Variants in TLE4 observed in about 807,000 individuals in gnomAD.
TLE4 encodes TLE family member 4, transcriptional corepressor, also known as transducin-like enhancer protein 4.
In TLE4, 8 loss-of-function variants were observed where a neutral mutation model predicts 92.8. The observed-to-expected ratio is 0.09, with a 90% CI of 0.05 to 0.16. The LOEUF (loss-of-function observed/expected upper bound fraction) is 0.16. Ranked by LOEUF, TLE4 falls within the 10% of genes least tolerant of loss-of-function variation. TLE4 has a pLI of 1.00. For synonymous variants in TLE4, 371 were observed against 374.1 expected (o/e 0.99, Z 0.10); for missense variants, 675 against 997.6 (o/e 0.68, Z 4.36).
intron 5 of TLE4, among the ~76,000 whole-genome samples, chr9:79,623,450 C>T (rs922499158): frequency 3.9e-5 from 6 of 152,036 alleles, no homozygotes; most frequent in Admixed American, 6.5e-5. Context: ...TATATTAGTA[C>T]TTTGTCTGAA....
At chr9:79,674,416 C>T (rs1279504190) in intron 8 of TLE4, among the ~76,000 whole-genome samples, 1 of 152,132 alleles carries the variant, frequency 6.6e-6, no homozygotes, top group Non-Finnish European at 1.5e-5. Flanking sequence ...AGCCCATGCT[C>T]ATTATCTCTA....
At chr9:79,720,384 G>A in intron 16 of TLE4, 91 bp downstream of exon 16, 1 of 365,212 alleles carries the variant, frequency 2.7e-6, no homozygotes, top group Non-Finnish European at 3.8e-6. Context: ...ATGGGTGTGT[G>A]TGTGTGTGTG....
intron 5 of TLE4, among the ~76,000 whole-genome samples, chr9:79,613,887 A>C (rs2048921654): frequency 6.6e-6 from 1 of 152,130 alleles, no homozygotes; most frequent in Non-Finnish European, 1.5e-5. Context: ...ACTCATATTC[A>C]CAAATCTTGT....
intron 8 of TLE4, among the ~76,000 whole-genome samples, chr9:79,697,970 A>G (rs1359948847): frequency 6.6e-6 from 1 of 152,186 alleles, no homozygotes; most frequent in Non-Finnish European, 1.5e-5. Context: ...TGGGTTAAAT[A>G]CTTGTTGAAT....
chr9:79,576,247 T>C (rs1183097471), intron 4 of TLE4, 70 bp downstream of exon 4: 9 of 1,211,520 alleles, frequency 7.4e-6, no homozygotes, highest in African/African-American at 1.5e-5. Context: ...AAATTGTATG[T>C]TTTGCAGTTT....
intron 6 of TLE4, among the ~76,000 whole-genome samples, chr9:79,639,606 A>G (rs2056730243): frequency 6.6e-6 from 1 of 152,168 alleles, no homozygotes; most frequent in Non-Finnish European, 1.5e-5. Flanking sequence ...TAAGTGCTTT[A>G]TATAGGTGTA....
intron 5 of TLE4, among the ~76,000 whole-genome samples, chr9:79,625,738 G>A (rs1227880042): frequency 6.6e-6 from 1 of 151,798 alleles, no homozygotes; most frequent in Non-Finnish European, 1.5e-5. Flanking sequence ...TATTGACTGT[G>A]CCCTTCTATT....
chr9:79,631,616 A>ATATGTGTGTGTGTG (rs775644348), intron 6 of TLE4, among the ~76,000 whole-genome samples: 1 of 118,162 alleles, frequency 8.5e-6, no homozygotes. Context: ...TGAACCTTAA[A>ATATGTGTGTGTGTG]TGTGTGTGTG....
At chr9:79,627,577 TTGC>T in intron 6 of TLE4, 129 bp downstream of exon 6, 1 of 873,020 alleles carries the variant, frequency 1.1e-6, no homozygotes, top group South Asian at 1.7e-5. Flanking sequence ...ATTAAGCACT[TTGC>T]CTTCAATCTC....
rs1276208075 is a variant in TLE4 at position 79,718,931 on chromosome 9, A to G, written c.1550A>G (p.His517Arg). The stretch of plus-strand genomic sequence containing the variant: ...TGCGTCAAGGTCTGGGACATCAGCC[A>G]CCCAGGCAATAAGAGTCCTGTCTCC... ...KGCVKVWDISHPGNKSPVSQL... is the reference protein window; with the variant it reads ...KGCVKVWDISRPGNKSPVSQL... The change falls in exon 15 of 20, where the codon CAC becomes CGC. Residue 517 changes from histidine (H) to arginine (R), a missense_variant. Transcript: ENST00000376552. The G allele has an allele frequency of 3.1e-6, 5 of 1,613,684 alleles. No individual in the cohort carries two copies. The highest frequency in any genetic ancestry group is 8.5e-7 in the Non-Finnish European group (1 of 1,179,652).
chr9:79,671,464 C>T (rs2062340549), intron 8 of TLE4: 1 of 334,978 alleles, frequency 3.0e-6, no homozygotes, highest in South Asian at 2.3e-5. Context: ...AAATGGACTT[C>T]TCCCTCCAGT....
chr9:79,699,103 A>G lies in TLE4; in HGVS notation c.610-5680A>G, dbSNP rs1000188156. 3.3e-5 allele frequency among the ~76,000 whole-genome samples: 5 copies of G among 152,310 alleles called. 1 individual carries two copies. The highest frequency in any genetic ancestry group is 2.0e-4 in the Admixed American group (3 of 15,298). ...CAAACTTACTCAAAGTAGTTCCAAA[A>G]AAACAGAAATACAGTGCTTTGTGGT... On this transcript the variant is annotated intron_variant, in intron 8 of 19. Coordinates refer to ENST00000376552, the MANE Select transcript of TLE4 (RefSeq NM_007005.6).
chr9:79,725,159 G>C lies in TLE4; in HGVS notation c.*15G>C. The C allele has an allele frequency of 6.3e-7, 1 of 1,584,558 alleles. No individual in the cohort carries two copies. The highest frequency in any genetic ancestry group is 8.7e-7 in the Non-Finnish European group (1 of 1,153,428). Reference sequence around the variant, plus strand: ...TTATTTATTAAAGACAAATCTTCATGCAGACTGGACTTCTCCTCCTGGTAG... The same window carrying C: ...TTATTTATTAAAGACAAATCTTCATCCAGACTGGACTTCTCCTCCTGGTAG... On this transcript the variant is annotated 3_prime_UTR_variant, in exon 20 of 20. Coordinates refer to ENST00000376552, the MANE Select transcript of TLE4 (RefSeq NM_007005.6).
intron 6 of TLE4, among the ~76,000 whole-genome samples, chr9:79,643,073 TAG>T (rs1369280754): frequency 6.6e-6 from 1 of 152,194 alleles, no homozygotes; most frequent in Non-Finnish European, 1.5e-5. Flanking sequence ...TAGCTTTTTC[TAG>T]AGATATTTGT....
intron 4 of TLE4, among the ~76,000 whole-genome samples, chr9:79,607,828 A>G (rs1239990212): frequency 5.9e-5 from 9 of 151,998 alleles, no homozygotes; most frequent in Non-Finnish European, 1.3e-4. Flanking sequence ...GAAATCAGGT[A>G]GCATGGTGCC....
intron 4 of TLE4, among the ~76,000 whole-genome samples, chr9:79,589,254 T>C (rs2041956124): frequency 3.9e-5 from 6 of 152,156 alleles, no homozygotes. Context: ...AGTATGAGCA[T>C]TGTCTGGCTT....
chr9:79,663,964 G>T (rs993022849), intron 8 of TLE4, among the ~76,000 whole-genome samples: 3 of 152,176 alleles, frequency 2.0e-5, no homozygotes, highest in Admixed American at 6.5e-5. Flanking sequence ...AATAAAGCGC[G>T]CACTGGTGGT....
chr9:79,721,122 T>G (rs568179113), intron 16 of TLE4, among the ~76,000 whole-genome samples: 2 of 152,226 alleles, frequency 1.3e-5, no homozygotes, highest in African/African-American at 4.8e-5. Flanking sequence ...ATCATCACTT[T>G]CATTGCTTAT....
chr9:79,630,946 C>G (rs1036708479), intron 6 of TLE4, among the ~76,000 whole-genome samples: 13 of 151,890 alleles, frequency 8.6e-5, no homozygotes, highest in African/African-American at 2.9e-4. Context: ...CTTTGGAAAC[C>G]CCCTAACCCA....
Sources: gnomAD v4.1 joint callset for allele counts (sites outside exome capture counted in the v4.1 genomes callset) on GRCh38, gnomAD v4.1.1 for gene constraint, MANE v1.5 for transcripts, NCBI Gene and HGNC (gene_info 2026-07-23, HGNC 2026-07-21) for gene names.